EPHA6: variants seen among roughly 807,000 people sequenced by gnomAD.
The protein encoded by EPHA6 is ephrin type-A receptor 6.
EPHA6 carries 50 observed loss-of-function variants against 112.0 expected under a neutral mutation model. The observed-to-expected ratio is 0.45, with a 90% CI of 0.36 to 0.56. EPHA6 has a LOEUF of 0.56. Among genes scored for constraint, EPHA6 ranks in the 20% least tolerant of loss-of-function variants. The probability of loss-of-function intolerance (pLI) is 0.00; values close to 1 mark genes in which losing one functional copy is unlikely to be tolerated. For missense variants in EPHA6, 1,280 were observed against 1,417.4 expected (o/e 0.90, Z 1.56); for synonymous variants, 529 against 490.7 (o/e 1.08, Z -1.03).
At chr3:97,241,073 T>C (rs1195161108) in intron 4 of EPHA6, among the ~76,000 whole-genome samples, 1 of 151,728 alleles carries the variant, frequency 6.6e-6, no homozygotes, top group Non-Finnish European at 1.5e-5. Context: ...AGAGTCTACC[T>C]TGCTATAAGT....
Position 97,723,906 on chromosome 3 carries a change from G to C in EPHA6, c.2934+3496G>C, listed in dbSNP as rs141647120. Among the ~76,000 whole-genome samples, 163 of 152,244 alleles carry C rather than the reference G, an allele frequency of 1.1e-3. 1 individual carries two copies. Among genetic ancestry groups the C allele is most frequent in the African/African-American group, 3.6e-3 (150 of 41,550 alleles). On this transcript the variant is annotated intron_variant, in intron 15 of 17. Coordinates refer to ENST00000389672, the MANE Select transcript of EPHA6 (RefSeq NM_001080448.3). Reference sequence around the variant, plus strand: ...AGGATTTTGTTTGGAAGCAGAAATAGCTTAATCAAAAACTTCCCAGCTGCT... The same window carrying C: ...AGGATTTTGTTTGGAAGCAGAAATACCTTAATCAAAAACTTCCCAGCTGCT...
intron 3 of EPHA6, among the ~76,000 whole-genome samples, chr3:97,146,709 T>C (rs1032025674): frequency 2.6e-5 from 4 of 151,992 alleles, no homozygotes; most frequent in African/African-American, 9.7e-5. Context: ...ATTCTACCTT[T>C]CTTTGAAAAC....
At chr3:97,362,129 A>C (rs866768620) in intron 5 of EPHA6, among the ~76,000 whole-genome samples, 18 of 152,330 alleles carry the variant, frequency 1.2e-4, no homozygotes, top group African/African-American at 4.1e-4. Context: ...AAACCACTTC[A>C]TTATGACACA....
intron 3 of EPHA6, among the ~76,000 whole-genome samples, chr3:97,026,260 T>C (rs1315479469): frequency 6.6e-6 from 1 of 152,098 alleles, no homozygotes; most frequent in Non-Finnish European, 1.5e-5. Flanking sequence ...TCGGGCTCTT[T>C]TTGGTTCCAG....
chr3:97,727,347 C>G (rs2034818432), intron 15 of EPHA6, among the ~76,000 whole-genome samples: 1 of 151,990 alleles, frequency 6.6e-6, no homozygotes, highest in African/African-American at 2.4e-5. Flanking sequence ...AACTTTTGAT[C>G]TTAGCTGAAT....
intron 3 of EPHA6, among the ~76,000 whole-genome samples, chr3:97,009,487 A>G (rs1432148412): frequency 6.6e-6 from 1 of 152,178 alleles, no homozygotes; most frequent in Non-Finnish European, 1.5e-5. Context: ...AGCAGCCTAG[A>G]GCTATAGAAA....
At chr3:97,398,542 A>G (rs2086815502) in intron 5 of EPHA6, among the ~76,000 whole-genome samples, 1 of 151,368 alleles carries the variant, frequency 6.6e-6, no homozygotes, top group African/African-American at 2.4e-5. Context: ...TTAATTACCG[A>G]AGTTGAACTG....
chr3:97,218,684 A>T (rs2108528089), intron 3 of EPHA6, among the ~76,000 whole-genome samples: 1 of 152,244 alleles, frequency 6.6e-6, no homozygotes, highest in Non-Finnish European at 1.5e-5. Context: ...AAGCCTAACC[A>T]AATCATTCTG....
At chr3:96,836,103 G>A (rs2034394044) in intron 1 of EPHA6, among the ~76,000 whole-genome samples, 1 of 151,798 alleles carries the variant, frequency 6.6e-6, no homozygotes, top group African/African-American at 2.4e-5. Flanking sequence ...TTGACAAGTA[G>A]CTTTCATCTC....
chr3:97,354,412 G>A (rs184485917), intron 5 of EPHA6, among the ~76,000 whole-genome samples: 19 of 152,128 alleles, frequency 1.2e-4, no homozygotes, highest in East Asian at 1.9e-4. Flanking sequence ...CCTGTGAGAT[G>A]AATTTAACAA....
chr3:97,092,512 C>A (rs1559723001), intron 3 of EPHA6, among the ~76,000 whole-genome samples: 1 of 151,994 alleles, frequency 6.6e-6, no homozygotes, highest in African/African-American at 2.4e-5. Flanking sequence ...AGGTTTGTTT[C>A]TTTCAATGAA....
intron 6 of EPHA6, among the ~76,000 whole-genome samples, chr3:97,421,810 G>A (rs954038358): frequency 1.3e-5 from 2 of 152,068 alleles, no homozygotes; most frequent in African/African-American, 4.8e-5. Context: ...AAACAGACTT[G>A]CACATGTGTG....
At chr3:97,063,717 TATAAA>T (rs529982697) in intron 3 of EPHA6, among the ~76,000 whole-genome samples, 34 of 151,824 alleles carry the variant, frequency 2.2e-4, no homozygotes, top group Non-Finnish European at 4.4e-4. Flanking sequence ...AATTTAAAAA[TATAAA>T]AGAAAGGACA....
chr3:97,502,832 C>CAAA (rs397990595), intron 10 of EPHA6, among the ~76,000 whole-genome samples: 451 of 35,880 alleles, frequency 0.013, 135 homozygotes, highest in African/African-American at 0.02. Flanking sequence ...GACTCTGTCT[C>CAAA]AAAAAAAAAA....
At chr3:97,265,586 C>T (rs1259181243) in intron 5 of EPHA6, among the ~76,000 whole-genome samples, 1 of 152,228 alleles carries the variant, frequency 6.6e-6, no homozygotes, top group Non-Finnish European at 1.5e-5. Flanking sequence ...ACTCCCGAGC[C>T]TGCAGGGGCA....
intron 4 of EPHA6, among the ~76,000 whole-genome samples, chr3:97,234,933 A>T (rs1420451664): frequency 6.6e-6 from 1 of 151,994 alleles, no homozygotes; most frequent in African/African-American, 2.4e-5. Context: ...ACCTTATATT[A>T]TAGCATACTC....
chr3:97,197,629 C>T (rs1469982441), intron 3 of EPHA6, among the ~76,000 whole-genome samples: 1 of 151,804 alleles, frequency 6.6e-6, no homozygotes, highest in Non-Finnish European at 1.5e-5. Context: ...AGTTGTGCTG[C>T]CTGGGGTTGG....
chr3:96,995,071 A>C (rs1323924604), intron 3 of EPHA6, among the ~76,000 whole-genome samples: 1 of 152,078 alleles, frequency 6.6e-6, no homozygotes, highest in African/African-American at 2.4e-5. Context: ...TCACGAAGGT[A>C]AATGGGATAT....
intron 13 of EPHA6, among the ~76,000 whole-genome samples, chr3:97,616,956 G>T (rs1161274199): frequency 6.6e-6 from 1 of 152,098 alleles, no homozygotes; most frequent in Non-Finnish European, 1.5e-5. Context: ...TCAATGAGAA[G>T]ATTATCCTCA....
Sources: gnomAD v4.1 joint callset for allele counts (sites outside exome capture counted in the v4.1 genomes callset) on GRCh38, gnomAD v4.1.1 for gene constraint, MANE v1.5 for transcripts, NCBI Gene and HGNC (gene_info 2026-07-23, HGNC 2026-07-21) for gene names.